Variants in GAA observed in about 807,000 individuals in gnomAD.
The protein encoded by GAA is lysosomal alpha-glucosidase.
Under a neutral mutation model 103.9 loss-of-function variants are expected in GAA, and 88 were observed. The ratio of observed to expected loss-of-function variants is 0.85; its 90% confidence interval spans 0.71 to 1.01. The LOEUF is 1.01. Ranked by LOEUF, GAA falls within the 50% of genes least tolerant of loss-of-function variation. The pLI is 0.00. For synonymous variants in GAA, 572 were observed against 563.1 expected (o/e 1.02, Z -0.22); for missense variants, 1,350 against 1,305.3 (o/e 1.03, Z -0.53).
At chr17:80,113,530 A>G (rs1374878569) in intron 15 of GAA, among the ~76,000 whole-genome samples, 164 bp downstream of exon 15, 1 of 152,220 alleles carries the variant, frequency 6.6e-6, no homozygotes, top group Non-Finnish European at 1.5e-5. Flanking sequence ...GGGCAGCAAG[A>G]AAACCCAGTA....
rs1203918722 is a variant in GAA, at chr17:80,107,584, C to T, written c.720C>T (p.Phe240=). Residue 240 remains phenylalanine (F), a synonymous_variant, in exon 4 of 20, where the codon TTC becomes TTT. Coordinates refer to ENST00000302262, the MANE Select transcript of GAA (RefSeq NM_000152.5). ...VLLNTTVAPL[F]FADQFLQLST... The stretch of plus-strand genomic sequence containing the variant: ...TGAACACGACGGTGGCGCCCCTGTT[C>T]TTTGCGGACCAGTTCCTTCAGCTGT... 1 of 1,613,188 alleles carries T rather than the reference C, an allele frequency of 6.2e-7. No homozygotes were observed. The highest frequency in any genetic ancestry group is 8.5e-7 in the Non-Finnish European group (1 of 1,179,904).
intron 11 of GAA, chr17:80,111,738 G>A (rs1017697591): frequency 5.4e-6 from 3 of 554,316 alleles, no homozygotes; most frequent in Non-Finnish European, 9.8e-6. Context: ...TGAAGTCTGG[G>A]GGTCTGCAGA....
Position 80,104,925 on chromosome 17 carries a change from A to G in GAA, c.339A>G (p.Ala113=). The change falls in exon 2 of 20, where the codon GCA becomes GCG. Residue 113 remains alanine, a synonymous_variant. Transcript: ENST00000302262. The surrounding 1 kb of genome is among the most constrained non-coding windows in gnomAD (Gnocchi z 4.0). ...CCCGCGGCTGTTGCTACATCCCTGC[A>G]AAGCAGGGGCTGCAGGGAGCCCAGA... ...CEARGCCYIP[A]KQGLQGAQMG... is the part of the protein sequence containing the mutation. 6.2e-7 allele frequency: 1 copy of G among 1,612,398 alleles called. No individual in the cohort carries two copies. The highest frequency in any genetic ancestry group is 8.5e-7 in the Non-Finnish European group (1 of 1,179,786).
At chr17:80,116,841 A>G in intron 15 of GAA, 127 bp from the exon 16 acceptor site, 1 of 1,059,148 alleles carries the variant, frequency 9.4e-7, no homozygotes, top group South Asian at 1.3e-5. Context: ...GAGTCCTCCA[A>G]GTCCTCCGGC....
At chr17:80,111,134 G>T in intron 11 of GAA, 109 bp downstream of exon 11, 27 of 913,808 alleles carry the variant, frequency 3.0e-5, no homozygotes, top group African/African-American at 4.0e-5. Context: ...GGCCAGCGGG[G>T]AAAGGGGCGG....
rs560872405 is a variant in GAA, at chr17:80,117,943, G to A, written c.2481+194G>A. ...CCCCACAAAGGCGTGGAGCATGGCC[G>A]GCAGGAGCTCAGTGGTCTGCATGGT... On this transcript the variant is annotated intron_variant, in intron 17 of 19. Transcript: ENST00000302262. Among the ~76,000 whole-genome samples, 95 of 152,298 alleles carry A rather than the reference G, an allele frequency of 6.2e-4. 1 individual carries two copies. Among genetic ancestry groups the A allele is most frequent in the Non-Finnish European group, 1.0e-3 (71 of 67,988 alleles).
chr17:80,104,205 A>G lies in GAA; in HGVS notation c.-32-350A>G, dbSNP rs1364415051. ...CTTGAGTCTGGGAGGTGGAGGTTGCAGTGAGCCAGGATCTCACCACAGCAC... is the reference window on the plus strand; with the variant it reads ...CTTGAGTCTGGGAGGTGGAGGTTGCGGTGAGCCAGGATCTCACCACAGCAC... On this transcript the variant is annotated intron_variant, in intron 1 of 19. Coordinates refer to ENST00000302262, the MANE Select transcript of GAA (RefSeq NM_000152.5). This position sits in a 1 kb window ranked among gnomAD's most constrained non-coding sequence, Gnocchi z 4.0. Among the ~76,000 whole-genome samples the G allele has an allele frequency of 3.3e-5, 5 of 152,216 alleles. No individual in the cohort carries two copies. The highest frequency in any genetic ancestry group is 7.3e-5 in the Non-Finnish European group (5 of 68,032).
chr17:80,119,296 T>C lies in GAA; in HGVS notation c.2824T>C (p.Leu942=), dbSNP rs780885711. Residue 942 remains leucine, a synonymous_variant, in exon 20 of 20, where the codon TTG becomes CTG. Coordinates refer to ENST00000302262, the MANE Select transcript of GAA (RefSeq NM_000152.5). The part of the protein sequence containing the change: ...TKVLDICVSL[L]MGEQFLVSWC ...GGTCCTGGACATCTGTGTCTCGCTGTTGATGGGAGAGCAGTTTCTCGTCAG... is the reference window on the plus strand; with the variant it reads ...GGTCCTGGACATCTGTGTCTCGCTGCTGATGGGAGAGCAGTTTCTCGTCAG... 1 of 1,614,042 alleles carries C rather than the reference T, an allele frequency of 6.2e-7. No individual in the cohort carries two copies. Among genetic ancestry groups the C allele is most frequent in the Non-Finnish European group, 8.5e-7 (1 of 1,179,920 alleles).
intron 3 of GAA, among the ~76,000 whole-genome samples, chr17:80,107,000 G>A (rs764422369): frequency 6.6e-6 from 1 of 152,202 alleles, no homozygotes; most frequent in Admixed American, 6.5e-5. Flanking sequence ...GGTGGGTGCG[G>A]TGTGAGCCCG....
intron 2 of GAA, 100 bp downstream of exon 2, chr17:80,105,232 G>C: frequency 8.2e-7 from 1 of 1,213,364 alleles, no homozygotes. Context: ...TTGCACCACT[G>C]TGTGCTGGGC....
At chr17:80,103,701 C>A (rs1330735690) in intron 1 of GAA, among the ~76,000 whole-genome samples, 3 of 152,138 alleles carry the variant, frequency 2.0e-5, no homozygotes, top group African/African-American at 7.2e-5. Context: ...GCCACTGTTA[C>A]AGAGACTGTG....
At chr17:80,105,962 C>A (rs2143835671) in intron 3 of GAA, 68 bp downstream of exon 3, 1 of 1,521,300 alleles carries the variant, frequency 6.6e-7, no homozygotes. Context: ...GCAGGGAGGG[C>A]CACACGCGTT....
At chr17:80,103,566 A>G (rs1321322088) in intron 1 of GAA, among the ~76,000 whole-genome samples, 1 of 152,170 alleles carries the variant, frequency 6.6e-6, no homozygotes, top group African/African-American at 2.4e-5. Context: ...ATATTAATGT[A>G]CAGAGAAGCG....
rs374018812 is a variant in GAA at position 80,103,738 on chromosome 17, G to A, written c.-32-817G>A. ...TTCTTCCCCATGTACCTCGGGGGCCGGGAGGGGTTCTGATCTGCAAAGTCG... is the reference window on the plus strand; with the variant it reads ...TTCTTCCCCATGTACCTCGGGGGCCAGGAGGGGTTCTGATCTGCAAAGTCG... On this transcript the variant is annotated intron_variant, in intron 1 of 19. Coordinates refer to ENST00000302262, the MANE Select transcript of GAA (RefSeq NM_000152.5). 2.4e-4 allele frequency among the ~76,000 whole-genome samples: 37 copies of A among 152,254 alleles called. No individual in the cohort carries two copies. In the South Asian group the frequency reaches 6.4e-3, roughly 26 times the overall value.
intron 3 of GAA, among the ~76,000 whole-genome samples, chr17:80,106,943 T>C (rs957151875): frequency 3.3e-5 from 5 of 152,146 alleles, no homozygotes; most frequent in Non-Finnish European, 7.3e-5. Context: ...AGGCATCTTA[T>C]CAGATCTCGG....
intron 8 of GAA, among the ~76,000 whole-genome samples, chr17:80,109,663 G>A (rs1224739238): frequency 9.2e-5 from 14 of 152,036 alleles, no homozygotes; most frequent in African/African-American, 3.4e-4. Flanking sequence ...TAAAAGAAAA[G>A]TGATTACTGT....
intron 19 of GAA, 121 bp downstream of exon 19, chr17:80,118,926 G>T: frequency 8.0e-7 from 1 of 1,255,190 alleles, no homozygotes; most frequent in Non-Finnish European, 1.1e-6. Flanking sequence ...TCCCAAGGGG[G>T]TCTTTGGGGA....
At chr17:80,114,258 C>T (rs997353355) in intron 15 of GAA, among the ~76,000 whole-genome samples, 3 of 152,130 alleles carry the variant, frequency 2.0e-5, no homozygotes, top group Admixed American at 2.0e-4. Flanking sequence ...AGGTAGAGAA[C>T]TCATACGTTG....
rs760016362 is a variant in GAA at position 80,118,784 on chromosome 17, C to T, written c.2778C>T (p.Phe926=). 3 of 1,613,458 alleles carry T rather than the reference C, an allele frequency of 1.9e-6. No individual in the cohort carries two copies. The Admixed American group carries it at 5.0e-5, about 27-fold the overall frequency. The change falls in exon 19 of 20, where the codon TTC becomes TTT. Residue 926 remains phenylalanine (F), a synonymous_variant. Coordinates refer to ENST00000302262, the MANE Select transcript of GAA (RefSeq NM_000152.5). ...VLSNGVPVSN[F]TYSPDTKVLD... ...CCAACGGTGTCCCTGTCTCCAACTT[C>T]ACCTACAGCCCCGACACCAAGGCAA... is the stretch of plus-strand genomic sequence containing the variant.
Sources: gnomAD v4.1 joint callset for allele counts (sites outside exome capture counted in the v4.1 genomes callset) on GRCh38, gnomAD v4.1.1 for gene constraint, Gnocchi (gnomAD v3.1) non-coding constraint, MANE v1.5 for transcripts, NCBI Gene and HGNC (gene_info 2026-07-23, HGNC 2026-07-21) for gene names.